The following SLC25A33 variants were observed in gnomAD, a reference collection of about 807,000 sequenced individuals.
SLC25A33 encodes solute carrier family 25 member 33.
In SLC25A33, 15 loss-of-function variants were observed where a neutral mutation model predicts 35.5. That is an observed-to-expected ratio of 0.42 (90% CI 0.28 to 0.65). SLC25A33 has a LOEUF of 0.65. SLC25A33 is among the 30% of genes least tolerant of loss of function. The pLI is 0.20. For synonymous variants in SLC25A33, 136 were observed against 148.7 expected, an observed-to-expected ratio of 0.91 and a Z score of 0.62; for missense variants, 257 against 398.5, an observed-to-expected ratio of 0.64 and a Z score of 3.02.
chr1:9,560,529 A>G (rs1185152033), intron 2 of SLC25A33, among the ~76,000 whole-genome samples: 1 of 151,866 alleles, frequency 6.6e-6, no homozygotes, highest in South Asian at 2.1e-4. Flanking sequence ...GTGCCACTGC[A>G]CTCCTGTCTG....
intron 1 of SLC25A33, among the ~76,000 whole-genome samples, chr1:9,546,286 G>A (rs1026192146): frequency 1.5e-4 from 22 of 142,542 alleles, no homozygotes; most frequent in East Asian, 6.9e-4. Context: ...CCGGGTTCAC[G>A]CCATTCTCCT....
At chr1:9,553,230 G>GTTTTTTTT (rs1340250968) in intron 1 of SLC25A33, among the ~76,000 whole-genome samples, 34 of 91,226 alleles carry the variant, frequency 3.7e-4, no homozygotes, top group Non-Finnish European at 5.6e-4. Context: ...TTTTTTTTGG[G>GTTTTTTTT]TTTTTTTTTT....
At chr1:9,579,887 C>G in intron 5 of SLC25A33, 67 bp from the exon 6 acceptor site, 1 of 1,529,824 alleles carries the variant, frequency 6.5e-7, no homozygotes, top group East Asian at 2.3e-5. Flanking sequence ...TGTTCTCCTA[C>G]TGTGTGATGT....
intron 4 of SLC25A33, among the ~76,000 whole-genome samples, chr1:9,571,454 C>T (rs917708891): frequency 2.6e-5 from 4 of 151,938 alleles, no homozygotes; most frequent in Non-Finnish European, 5.9e-5. Context: ...TCACCACACC[C>T]AGCCAATTTT....
intron 1 of SLC25A33, among the ~76,000 whole-genome samples, chr1:9,552,910 CTTTTTTTTT>C (rs58092940): frequency 4.2e-5 from 4 of 94,190 alleles, no homozygotes; most frequent in African/African-American, 1.3e-4. Context: ...GGGATTTCAA[CTTTTTTTTT>C]TTTTTTTTTT....
intron 2 of SLC25A33, among the ~76,000 whole-genome samples, chr1:9,565,887 A>G (rs989823704): frequency 2.0e-5 from 3 of 151,876 alleles, no homozygotes; most frequent in Non-Finnish European, 2.9e-5. Flanking sequence ...CAAAAAAAAA[A>G]AAACAAAGAA....
intron 4 of SLC25A33, 118 bp from the exon 5 acceptor site, chr1:9,573,228 C>A: frequency 1.5e-6 from 1 of 657,046 alleles, no homozygotes; most frequent in Non-Finnish European, 2.5e-6. Flanking sequence ...CTGCTTCCTA[C>A]TGTCTTTTTA....
intron 1 of SLC25A33, among the ~76,000 whole-genome samples, chr1:9,543,643 G>A (rs1189896981): frequency 6.6e-6 from 1 of 152,200 alleles, no homozygotes; most frequent in Non-Finnish European, 1.5e-5. Flanking sequence ...TAACAGCACA[G>A]TGCCCATTTA....
intron 2 of SLC25A33, among the ~76,000 whole-genome samples, chr1:9,563,927 A>G (rs994001480): frequency 6.6e-6 from 1 of 152,094 alleles, no homozygotes; most frequent in African/African-American, 2.4e-5. Context: ...CCAATGTGCT[A>G]GGATTACAGA....
chr1:9,566,394 T>C (rs1359938019), intron 2 of SLC25A33, among the ~76,000 whole-genome samples: 3 of 152,196 alleles, frequency 2.0e-5, no homozygotes, highest in Non-Finnish European at 4.4e-5. Flanking sequence ...ATCTAGAAGA[T>C]AGGATTGTTA....
Position 9,553,773 on chromosome 1 carries a change from A to T in SLC25A33, c.204A>T (p.Thr68=), listed in dbSNP as rs1643302591. 1.2e-6 allele frequency: 2 copies of T among 1,613,996 alleles called. No homozygotes were observed. The highest frequency in any genetic ancestry group is 2.7e-5 in the African/African-American group (2 of 74,904). ...TISGAGMVRP[T]SVTPGLFQVL... ...GTGGAGCTGGAATGGTGAGACCAACATCCGTGACACCTGGACTCTTTCAGG... is the reference window on the plus strand; with the variant it reads ...GTGGAGCTGGAATGGTGAGACCAACTTCCGTGACACCTGGACTCTTTCAGG... Residue 68 remains threonine (T), a synonymous_variant, in exon 2 of 7, where the codon ACA becomes ACT. Coordinates refer to ENST00000302692, the MANE Select transcript of SLC25A33 (RefSeq NM_032315.3).
intron 4 of SLC25A33, among the ~76,000 whole-genome samples, chr1:9,572,768 G>C (rs982228968): frequency 2.6e-5 from 4 of 151,972 alleles, no homozygotes; most frequent in Admixed American, 2.6e-4. Flanking sequence ...GATTCACAGT[G>C]TTAGGTGAGG....
At chr1:9,546,174 ATTT>A (rs746460317) in intron 1 of SLC25A33, among the ~76,000 whole-genome samples, 188 of 100,510 alleles carry the variant, frequency 1.9e-3, no homozygotes, top group African/African-American at 8.5e-3. Flanking sequence ...ACACAGAGAA[ATTT>A]TTTTTTTTTT....
rs55912108 is a variant in SLC25A33, at chr1:9,562,049, C to CAAA, written c.237-5222_237-5220dup. Among the ~76,000 whole-genome samples, 501 of 117,356 alleles carry CAAA rather than the reference C, an allele frequency of 4.3e-3. 11 individuals carry two copies. The highest frequency in any genetic ancestry group is 0.014 in the African/African-American group (432 of 31,316). 77.0% of individuals were successfully genotyped at this position (117,356 alleles called of 152,430 possible). ...CTGGCGACAGAGCAAGACTCCGTCT[C>CAAA]AAAAAAAAAAAAAAAGGGGCAATAT... On this transcript the variant is annotated intron_variant, in intron 2 of 6. Transcript: ENST00000302692.
At chr1:9,542,893 A>G (rs1395582374) in intron 1 of SLC25A33, among the ~76,000 whole-genome samples, 1 of 151,986 alleles carries the variant, frequency 6.6e-6, no homozygotes, top group Non-Finnish European at 1.5e-5. Flanking sequence ...GCTCACTGCA[A>G]CCTCCGCCTC....
chr1:9,543,744 G>T (rs1260083927), intron 1 of SLC25A33, among the ~76,000 whole-genome samples: 1 of 152,094 alleles, frequency 6.6e-6, no homozygotes, highest in Non-Finnish European at 1.5e-5. Flanking sequence ...TATTTTTATG[G>T]CATGCTTTTT....
chr1:9,549,482 G>A (rs1227641532), intron 1 of SLC25A33, among the ~76,000 whole-genome samples: 1 of 143,386 alleles, frequency 7.0e-6, no homozygotes, highest in Admixed American at 7.1e-5. Flanking sequence ...CAATGGCGGG[G>A]AGGAACTGAT....
At chr1:9,572,079 T>C (rs1379349178) in intron 4 of SLC25A33, among the ~76,000 whole-genome samples, 1 of 152,212 alleles carries the variant, frequency 6.6e-6, no homozygotes, top group Non-Finnish European at 1.5e-5. Flanking sequence ...TGAATATTTA[T>C]AGCTAATTAT....
At chr1:9,558,751 A>C (rs142750869) in intron 2 of SLC25A33, among the ~76,000 whole-genome samples, 1 of 152,286 alleles carries the variant, frequency 6.6e-6, no homozygotes, top group East Asian at 1.9e-4. Flanking sequence ...GTCCTGATGG[A>C]AGCCACCGTA....
Sources: gnomAD v4.1 joint callset for allele counts (sites outside exome capture counted in the v4.1 genomes callset) on GRCh38, gnomAD v4.1.1 for gene constraint, MANE v1.5 for transcripts, NCBI Gene and HGNC (gene_info 2026-07-23, HGNC 2026-07-21) for gene names.